ADGRL2: variants seen among roughly 807,000 people sequenced by gnomAD.
ADGRL2 encodes adhesion G protein-coupled receptor L2.
A neutral mutation model predicts 157.4 loss-of-function variants in ADGRL2; 44 were observed. The ratio of observed to expected loss-of-function variants is 0.28; its 90% CI spans 0.22 to 0.36. The LOEUF (loss-of-function observed/expected upper bound fraction) is 0.36, where lower values mean the gene tolerates loss of function less well. Among genes scored for constraint, ADGRL2 ranks in the 10% least tolerant of loss-of-function variants. The pLI is 1.00. For synonymous variants in ADGRL2, 585 were observed against 624.7 expected (o/e 0.94, Z 0.95); for missense variants, 1,510 against 1,768.9 (o/e 0.85, Z 2.63).
chr1:81,903,631 C>T (rs1259224100), intron 2 of ADGRL2, among the ~76,000 whole-genome samples: 1 of 151,050 alleles, frequency 6.6e-6, no homozygotes, highest in Non-Finnish European at 1.5e-5. Flanking sequence ...GCATTTAAGC[C>T]AGTGCCAGCA....
chr1:81,851,162 A>G (rs995256425), intron 2 of ADGRL2, among the ~76,000 whole-genome samples: 1 of 151,938 alleles, frequency 6.6e-6, no homozygotes, highest in Admixed American at 6.6e-5. Context: ...GCATATTTTA[A>G]TAATTATAGC....
chr1:81,687,580 A>T (rs9728265), intron 3 of ADGRL2, among the ~76,000 whole-genome samples: 4,339 of 152,258 alleles, frequency 0.028, 72 homozygotes, highest in South Asian at 0.055. Context: ...GTTGGTGATT[A>T]ATTATCCATT....
chr1:81,830,219 TA>T (rs1406055011), intron 1 of ADGRL2, among the ~76,000 whole-genome samples: 3 of 151,976 alleles, frequency 2.0e-5, no homozygotes, highest in Admixed American at 1.3e-4. Context: ...ATACAGAAGG[TA>T]AAAAAAATTA....
intron 2 of ADGRL2, among the ~76,000 whole-genome samples, chr1:81,859,224 T>C (rs1415652053): frequency 6.6e-6 from 1 of 152,122 alleles, no homozygotes; most frequent in Non-Finnish European, 1.5e-5. Context: ...TCTAACATGA[T>C]TTTGTATACA....
intron 5 of ADGRL2, 182 bp from the exon 6 acceptor site, chr1:81,942,787 C>T: frequency 1.5e-6 from 1 of 660,772 alleles, no homozygotes; most frequent in Non-Finnish European, 2.8e-6. Flanking sequence ...TACTTTGTAC[C>T]CTGATACACT....
Position 81,632,414 on chromosome 1 carries a change from G to A in ADGRL2, c.-143+51434G>A, listed in dbSNP as rs558387633. On this transcript the variant is annotated intron_variant, in intron 3 of 24. Coordinates refer to the ADGRL2 transcript ENST00000370721. ...GAAGGAAGAAAATTTCAAACAGAGG[G>A]AAGAAGGGCAAAGGCTCTGAGTGTG... 1.2e-4 allele frequency among the ~76,000 whole-genome samples: 19 copies of A among 152,118 alleles called. 2 individuals carry two copies. The highest frequency in any genetic ancestry group is 2.9e-5 in the Non-Finnish European group (2 of 68,032).
intron 2 of ADGRL2, among the ~76,000 whole-genome samples, chr1:81,876,932 T>G: frequency 6.6e-6 from 1 of 152,136 alleles, no homozygotes; most frequent in East Asian, 1.9e-4. Context: ...AACCTTGGTT[T>G]TCTAATGTAG....
At chr1:81,547,819 G>A (rs960978937) in intron 2 of ADGRL2, among the ~76,000 whole-genome samples, 3 of 152,158 alleles carry the variant, frequency 2.0e-5, no homozygotes, top group African/African-American at 7.2e-5. Flanking sequence ...AAGGGAACTT[G>A]ATTTAAGGGA....
intron 2 of ADGRL2, among the ~76,000 whole-genome samples, chr1:81,888,024 G>A (rs532291799): frequency 6.6e-6 from 1 of 152,272 alleles, no homozygotes; most frequent in African/African-American, 2.4e-5. Flanking sequence ...GCCATACTTA[G>A]GCATTTGGAA....
chr1:81,604,098 G>A (rs1272571642), intron 3 of ADGRL2, among the ~76,000 whole-genome samples: 1 of 151,838 alleles, frequency 6.6e-6, no homozygotes, highest in Non-Finnish European at 1.5e-5. Context: ...TGAATAGCTG[G>A]GATTACAGGC....
chr1:81,817,832 T>C (rs1195987732), intron 1 of ADGRL2, among the ~76,000 whole-genome samples: 1 of 152,028 alleles, frequency 6.6e-6, no homozygotes, highest in Non-Finnish European at 1.5e-5. Flanking sequence ...TTTATTACTT[T>C]ATTGAGACGC....
intron 18 of ADGRL2, chr1:81,980,802 C>T (rs1415567691): frequency 4.2e-6 from 3 of 708,818 alleles, no homozygotes; most frequent in Admixed American, 3.6e-5. Context: ...CAGTAATTAC[C>T]GTGTTTGTGA....
At chr1:81,456,730 G>C (rs1013635247) in intron 2 of ADGRL2, among the ~76,000 whole-genome samples, 1 of 150,214 alleles carries the variant, frequency 6.7e-6, no homozygotes, top group Non-Finnish European at 1.5e-5. Context: ...TTTATTACAG[G>C]TGGTTTGACC....
At chr1:81,575,274 T>C (rs760729242) in intron 2 of ADGRL2, among the ~76,000 whole-genome samples, 2 of 152,186 alleles carry the variant, frequency 1.3e-5, no homozygotes, top group African/African-American at 4.8e-5. Flanking sequence ...TACAGATGAA[T>C]GTAAAATATT....
intron 2 of ADGRL2, among the ~76,000 whole-genome samples, chr1:81,772,189 G>T (rs2086400124): frequency 6.7e-6 from 1 of 150,090 alleles, no homozygotes; most frequent in South Asian, 2.1e-4. Context: ...AGCGGAAGTT[G>T]CAGTGAGCCG....
In ADGRL2 at chr1:81,935,697, A is replaced by G. The variant is rs928599525; in HGVS notation, c.288-1031A>G. 2.6e-5 allele frequency among the ~76,000 whole-genome samples: 4 copies of G among 151,940 alleles called. No homozygotes were observed. In the East Asian group the frequency reaches 5.8e-4, roughly 22 times the overall value. On this transcript the variant is annotated intron_variant, in intron 3 of 23. Transcript: ENST00000686636. ...TCTGCTTGATTTGCCTTCTTAATGT[A>G]TGTGCTATCAGAAAATACAATAAAA...
chr1:81,936,687 AT>A (rs1557948498), intron 3 of ADGRL2, 40 bp from the exon 4 acceptor site: 2 of 1,109,206 alleles, frequency 1.8e-6, no homozygotes, highest in Non-Finnish European at 2.7e-6. Context: ...AAATAATCAA[AT>A]AAATTATGTT....
intron 3 of ADGRL2, among the ~76,000 whole-genome samples, chr1:81,672,110 C>G (rs909242426): frequency 6.6e-5 from 10 of 152,200 alleles, no homozygotes; most frequent in Non-Finnish European, 1.2e-4. Context: ...AATCCATTAT[C>G]AGTGGTGTCA....
intron 2 of ADGRL2, among the ~76,000 whole-genome samples, chr1:81,480,597 G>T (rs1334426808): frequency 6.6e-6 from 1 of 152,058 alleles, no homozygotes; most frequent in East Asian, 1.9e-4. Context: ...ACCATATTAG[G>T]GAAAGGAAGT....
Sources: allele counts gnomAD v4.1 joint callset (sites outside exome capture counted in the v4.1 genomes callset), GRCh38; gene constraint gnomAD v4.1.1; transcripts MANE v1.5; gene names NCBI Gene and HGNC (gene_info 2026-07-23, HGNC 2026-07-21).